The following CERS4 variants were observed in gnomAD, a reference collection of about 807,000 sequenced individuals.
CERS4 encodes LAG1 homolog, ceramide synthase 4.
A neutral mutation model predicts 51.8 loss-of-function variants in CERS4; 65 were observed. That is an observed-to-expected ratio of 1.26 (90% CI 1.03 to 1.54). The LOEUF (loss-of-function observed/expected upper bound fraction) is 1.54, where lower values mean the gene tolerates loss of function less well. CERS4 is among the 40% of genes most tolerant of loss of function. CERS4 has a pLI of 0.00. For missense variants in CERS4, 563 were observed against 500.4 expected (o/e 1.13, Z -1.19); for synonymous variants, 228 against 208.4 (o/e 1.09, Z -0.81).
chr19:8,216,757 T>A (rs1967316392), intron 2 of CERS4, among the ~76,000 whole-genome samples: 1 of 152,008 alleles, frequency 6.6e-6, no homozygotes, highest in African/African-American at 2.4e-5. Context: ...ACCCGATAAA[T>A]GTGAAGTGAT....
Position 8,261,912 on chromosome 19 carries a change from CCT to C in CERS4, c.1006-11_1006-10del, listed in dbSNP as rs759823602. The C allele has an allele frequency of 1.5e-4, 246 of 1,610,198 alleles. No individual in the cohort carries two copies. In the African/African-American group the frequency reaches 2.4e-3, roughly 16 times the overall value. ...CTTCCTCCCTGCTCTGAGCTCCATC[CCT>C]CTCTCTGTTCCCCAGATGGAGAAGG... is the stretch of plus-strand genomic sequence containing the variant. On this transcript the variant is annotated splice_polypyrimidine_tract_variant and intron_variant, in intron 11 of 11. Coordinates refer to ENST00000251363, the MANE Select transcript of CERS4 (RefSeq NM_024552.3).
At chr19:8,248,143 T>C (rs1371920424) in intron 2 of CERS4, among the ~76,000 whole-genome samples, 10 of 152,318 alleles carry the variant, frequency 6.6e-5, no homozygotes, top group Non-Finnish European at 1.5e-5. Flanking sequence ...CGTTATACTT[T>C]GGCATCTCAT....
rs1969254760 is a variant in CERS4, at chr19:8,254,336, A to AAAAAAAAAAG, written c.174-157_174-156insAAAGAAAAAA. ...ATACTCTGTCTCAAAAAAAAAAAAAAAAAAAAGTCTTACACACCCTGCCAT... is the reference window on the plus strand; with the variant it reads ...ATACTCTGTCTCAAAAAAAAAAAAAAAAAAAAAAAGAAAAAAGTCTTACACACCCTGCCAT... On this transcript the variant is annotated intron_variant, in intron 3 of 11. Coordinates refer to ENST00000251363, the MANE Select transcript of CERS4 (RefSeq NM_024552.3). Among the ~76,000 whole-genome samples the AAAAAAAAAAG allele has an allele frequency of 2.0e-5, 3 of 149,364 alleles. No homozygotes were observed. The East Asian group carries it at 5.9e-4, about 29-fold the overall frequency.
Position 8,262,187 on chromosome 19 carries a change from T to C in CERS4, c.*78T>C. The C allele has an allele frequency of 2.9e-6, 4 of 1,359,238 alleles. No individual in the cohort carries two copies. The highest frequency in any genetic ancestry group is 1.9e-5 in the South Asian group (1 of 53,640). The allele number at this position is 1,359,238 out of a possible 1,614,324, so 84.2% of individuals were successfully genotyped here. A position where few individuals can be genotyped will look rare whatever the true frequency, so the allele number is the denominator to read the frequency against. ...TCTGGGGTGACTGGACTGGCGCCCC[T>C]GGGCCACCTTTCTGGAGACAGGGAG... On this transcript the variant is annotated 3_prime_UTR_variant, in exon 12 of 12. Transcript: ENST00000251363.
chr19:8,249,152 ATGGG>A (rs973629707), intron 2 of CERS4, among the ~76,000 whole-genome samples: 1 of 141,962 alleles, frequency 7.0e-6, no homozygotes, highest in African/African-American at 2.6e-5. Flanking sequence ...AGATGTTTGG[ATGGG>A]TGGATGGATG....
At position 8,256,096 on chromosome 19, in the gene CERS4, G is replaced by A. The variant is rs752700; in HGVS notation, c.469-140G>A. ...TCTGCAGTGAATGAGCCCCCCAGTC[G>A]AGAGTGAGAAGCAGGAAAAAGCAGG... On this transcript the variant is annotated intron_variant, in intron 6 of 11. Transcript: ENST00000251363. 6.0e-3 allele frequency: 6,164 copies of A among 1,024,360 alleles called. 280 individuals are homozygous for A. In the African/African-American group the frequency reaches 0.09, roughly 15 times the overall value. The allele number at this position is 1,024,360 out of a possible 1,614,324, so 63.5% of individuals were successfully genotyped here. A position where few individuals can be genotyped will look rare whatever the true frequency, so the allele number is the denominator to read the frequency against.
Position 8,242,294 on chromosome 19 carries a change from G to T in CERS4, c.-1-8782G>T, listed in dbSNP as rs183866079. Among the ~76,000 whole-genome samples the T allele has an allele frequency of 9.2e-5, 14 of 152,326 alleles. No homozygotes were observed. The East Asian group carries it at 2.3e-3, about 25-fold the overall frequency. On this transcript the variant is annotated intron_variant, in intron 2 of 11. Transcript: ENST00000251363. ...GACGAGACAGAGACAGGTTGGTGAG[G>T]TTAGTGAGAGAGTAGGACCTCTGGG... is the stretch of plus-strand genomic sequence containing the variant.
At chr19:8,247,189 G>T (rs1364915704) in intron 2 of CERS4, among the ~76,000 whole-genome samples, 2 of 152,084 alleles carry the variant, frequency 1.3e-5, no homozygotes, top group African/African-American at 4.8e-5. Context: ...AAATAATCCA[G>T]ATTCTTCCCT....
At chr19:8,225,377 T>C (rs1231050842) in intron 2 of CERS4, among the ~76,000 whole-genome samples, 1 of 150,100 alleles carries the variant, frequency 6.7e-6, no homozygotes, top group Non-Finnish European at 1.5e-5. Flanking sequence ...CAGTGGACAG[T>C]GAATAGAAGC....
rs3042169 is a variant in CERS4 at position 8,231,851 on chromosome 19, A to ATTTTTTTTTT, written c.-1-19212_-1-19203dup. Among the ~76,000 whole-genome samples the ATTTTTTTTTT allele has an allele frequency of 5.4e-3, 563 of 104,380 alleles. 30 individuals are homozygous for ATTTTTTTTTT. Among genetic ancestry groups the ATTTTTTTTTT allele is most frequent in the Middle Eastern group, 0.01 (2 of 196 alleles). The allele number at this position is 104,380 out of a possible 152,430, so 68.5% of individuals were successfully genotyped here. ...ACAAGCATGAGGCACTGTGCCCAGCATTTTTTTTTTTTTTTTTTTTTTAGA... is the reference window on the plus strand; with the variant it reads ...ACAAGCATGAGGCACTGTGCCCAGCATTTTTTTTTTTTTTTTTTTTTTTTTTTTTTTTAGA... On this transcript the variant is annotated intron_variant, in intron 2 of 11. Transcript: ENST00000251363.
intron 10 of CERS4, chr19:8,261,028 A>C (rs567778932): frequency 6.6e-6 from 1 of 151,026 alleles, no homozygotes; most frequent in Non-Finnish European, 1.5e-5. Flanking sequence ...GCTGGGCTCC[A>C]GGACAGTGTC....
intron 3 of CERS4, 118 bp from the exon 4 acceptor site, chr19:8,254,381 A>C (rs1290465443): frequency 3.0e-6 from 2 of 672,494 alleles, no homozygotes; most frequent in African/African-American, 1.8e-5. Context: ...GTGCTCTCTG[A>C]GCCTGTAACT....
chr19:8,256,382 T>C (rs1477149449), intron 7 of CERS4, 96 bp downstream of exon 7: 1 of 1,374,130 alleles, frequency 7.3e-7, no homozygotes, highest in East Asian at 2.4e-5. Flanking sequence ...GACACTACAC[T>C]GTCATTCCCC....
intron 4 of CERS4, 142 bp downstream of exon 4, chr19:8,254,758 C>T (rs528208175): frequency 1.7e-5 from 12 of 702,440 alleles, no homozygotes; most frequent in South Asian, 5.2e-5. Context: ...CACTCTTCAT[C>T]CTCAATTCCC....
chr19:8,254,396 C>T, intron 3 of CERS4, 103 bp from the exon 4 acceptor site: 1 of 953,582 alleles, frequency 1.0e-6, no homozygotes. Context: ...GTAACTTTGC[C>T]CCTCCGAGAC....
chr19:8,257,649 C>A (rs555102993), intron 9 of CERS4, among the ~76,000 whole-genome samples: 1 of 152,114 alleles, frequency 6.6e-6, no homozygotes, highest in African/African-American at 2.4e-5. Context: ...AGGCTGGTCT[C>A]GAACTCCTGA....
chr19:8,251,548 A>T (rs1288504724), intron 3 of CERS4, among the ~76,000 whole-genome samples: 1 of 152,206 alleles, frequency 6.6e-6, no homozygotes, highest in Non-Finnish European at 1.5e-5. Flanking sequence ...ACGGTGGCTC[A>T]CGCCTGTAAT....
rs36247 is a variant in CERS4, at chr19:8,257,062, T to C, written c.726T>C (p.Ser242=). 0.36 allele frequency: 571,406 copies of C among 1,603,890 alleles called. 104,226 individuals are homozygous for C. Among genetic ancestry groups the C allele is most frequent in the South Asian group, 0.51 (45,987 of 89,862 alleles). ...TGGTGCTGCTGTTACACGATTCCTC[T>C]GACTACCTGCTGGAGGTGGGCCCGA... The part of the protein sequence containing the change: ...GSLVLLLHDS[S]DYLLEACKMV... Residue 242 remains serine, a synonymous_variant, in exon 9 of 12, where the codon TCT becomes TCC. Transcript: ENST00000251363.
intron 3 of CERS4, 58 bp from the exon 4 acceptor site, chr19:8,254,441 A>C (rs1246808680): frequency 6.5e-7 from 1 of 1,531,614 alleles, no homozygotes; most frequent in Non-Finnish European, 9.0e-7. Flanking sequence ...CTGCCCCCAC[A>C]CACAGGCAGT....
Sources: allele counts gnomAD v4.1 joint callset (sites outside exome capture counted in the v4.1 genomes callset), GRCh38; gene constraint gnomAD v4.1.1; transcripts MANE v1.5; gene names NCBI Gene and HGNC (gene_info 2026-07-23, HGNC 2026-07-21).